PCDHA2: variants seen among roughly 807,000 people sequenced by gnomAD.
PCDHA2 encodes protocadherin alpha-2.
PCDHA2 carries 58 observed loss-of-function variants against 66.0 expected under a neutral mutation model. The observed-to-expected ratio is 0.88, with a 90% CI of 0.71 to 1.09. The LOEUF is 1.09. PCDHA2 is among the 50% of genes least tolerant of loss of function. PCDHA2 has a pLI of 0.00. For synonymous variants in PCDHA2, 634 were observed against 554.0 expected, an observed-to-expected ratio of 1.14 and a Z score of -2.03; for missense variants, 1,267 against 1,242.3, an observed-to-expected ratio of 1.02 and a Z score of -0.30.
chr5:140,917,333 G>GT (rs1401985588), intron 1 of PCDHA2, among the ~76,000 whole-genome samples: 2 of 148,632 alleles, frequency 1.3e-5, no homozygotes, highest in Admixed American at 6.7e-5. Context: ...GCGGGGGAGG[G>GT]GGGGGATGGT....
At position 140,845,518 on chromosome 5, in the gene PCDHA2, T is replaced by C. The variant is rs984046956; in HGVS notation, c.2388+48166T>C. On this transcript the variant is annotated intron_variant, in intron 1 of 3. Coordinates refer to ENST00000526136, the MANE Select transcript of PCDHA2 (RefSeq NM_018905.3). ...AAAGTCTAAACCTATTTCTTGTACATTAATACTTTTCACTATTCTAATTAT... is the reference window on the plus strand; with the variant it reads ...AAAGTCTAAACCTATTTCTTGTACACTAATACTTTTCACTATTCTAATTAT... Among the ~76,000 whole-genome samples the C allele has an allele frequency of 1.3e-5, 2 of 149,636 alleles. 1 individual carries two copies. The highest frequency in any genetic ancestry group is 3.0e-5 in the Non-Finnish European group (2 of 66,854).
intron 1 of PCDHA2, chr5:140,830,451 A>G: frequency 6.3e-7 from 1 of 1,597,306 alleles, no homozygotes; most frequent in South Asian, 1.1e-5. Context: ...GGTAAGGCGG[A>G]GAATCAGGAT....
intron 1 of PCDHA2, chr5:140,857,752 C>A: frequency 6.3e-7 from 1 of 1,597,166 alleles, no homozygotes; most frequent in Non-Finnish European, 8.6e-7. Flanking sequence ...TGGCGTCTCC[C>A]GCTGGCAGCG....
intron 1 of PCDHA2, chr5:140,841,116 TA>T: frequency 1.6e-6 from 1 of 615,476 alleles, no homozygotes; most frequent in Non-Finnish European, 2.8e-6. Flanking sequence ...GTAATTCATG[TA>T]ATCATTACCT....
intron 1 of PCDHA2, among the ~76,000 whole-genome samples, chr5:140,950,025 T>C (rs907309880): frequency 6.6e-6 from 1 of 151,922 alleles, no homozygotes; most frequent in East Asian, 1.9e-4. Context: ...TCATAAAATA[T>C]AGAAAAGTTA....
chr5:140,857,681 G>A (rs2044790199), intron 1 of PCDHA2: 5 of 1,596,954 alleles, frequency 3.1e-6, no homozygotes, highest in East Asian at 4.5e-5. Context: ...GCCGCCTCTG[G>A]GCAGCAACTT....
intron 3 of PCDHA2, among the ~76,000 whole-genome samples, chr5:141,004,523 A>G (rs934216851): frequency 3.3e-5 from 5 of 152,232 alleles, no homozygotes; most frequent in Admixed American, 2.0e-4. Flanking sequence ...CTCTGCCAAT[A>G]CACACAGCCA....
intron 1 of PCDHA2, chr5:140,834,636 T>A: frequency 1.9e-6 from 3 of 1,614,182 alleles, no homozygotes; most frequent in Non-Finnish European, 2.5e-6. Context: ...TGGCATTTTG[T>A]TTGTGAATTC....
intron 1 of PCDHA2, chr5:140,866,754 G>A (rs540571091): frequency 1.1e-4 from 17 of 152,256 alleles, no homozygotes; most frequent in Non-Finnish European, 2.2e-4. Context: ...ATGACTAACA[G>A]GACATACAGG....
chr5:140,828,941 C>T (rs2150161087), intron 1 of PCDHA2: 5 of 1,614,196 alleles, frequency 3.1e-6, no homozygotes, highest in African/African-American at 2.7e-5. Context: ...TTTTAATAGC[C>T]TTGTTGCAGC....
chr5:140,927,920 T>G (rs782193396), intron 1 of PCDHA2: 1 of 1,614,120 alleles, frequency 6.2e-7, no homozygotes, highest in Non-Finnish European at 8.5e-7. Flanking sequence ...CTGGACTTCC[T>G]GACTCTTTCG....
At position 140,797,306 on chromosome 5, in the gene PCDHA2, A is replaced by G. The variant is rs782364093; in HGVS notation, c.2342A>G (p.Asp781Gly). ...AFSPSLSQGP[D>G]SAEEKQLSES... Reference sequence around the variant, plus strand: ...AGCCCTAGCTTATCTCAAGGTCCAGACTCCGCAGAAGAGAAACAGCTCTCA... The same window carrying G: ...AGCCCTAGCTTATCTCAAGGTCCAGGCTCCGCAGAAGAGAAACAGCTCTCA... The change falls in exon 1 of 4, where the codon GAC becomes GGC. Residue 781 changes from aspartate (D) to glycine (G), a missense_variant. Asp to Gly is a moderately conservative substitution (Grantham distance 94). Transcript: ENST00000526136. The G allele has an allele frequency of 1.2e-6, 2 of 1,614,022 alleles. No individual in the cohort carries two copies. The highest frequency in any genetic ancestry group is 1.3e-5 in the African/African-American group (1 of 74,924).
chr5:140,856,987 C>G (rs144244943), intron 1 of PCDHA2: 1 of 1,595,238 alleles, frequency 6.3e-7, no homozygotes, highest in Non-Finnish European at 8.6e-7. Flanking sequence ...AGGACAGTAA[C>G]ACTTATGAAA....
At chr5:140,986,151 G>A (rs547474191) in intron 3 of PCDHA2, among the ~76,000 whole-genome samples, 1 of 152,198 alleles carries the variant, frequency 6.6e-6, no homozygotes, top group African/African-American at 2.4e-5. Flanking sequence ...GCATCACCAA[G>A]TAATGTTTTC....
chr5:140,924,907 A>AAT (rs1554202344), intron 1 of PCDHA2, among the ~76,000 whole-genome samples: 14 of 50,940 alleles, frequency 2.7e-4, no homozygotes, highest in African/African-American at 6.9e-4. Context: ...AAAAAAAAAT[A>AAT]AAATAAAATA....
intron 1 of PCDHA2, among the ~76,000 whole-genome samples, chr5:140,827,548 A>G (rs1562291088): frequency 1.3e-5 from 2 of 152,142 alleles, no homozygotes; most frequent in African/African-American, 2.4e-5. Context: ...TTTAAGTTAC[A>G]TTTTTTCCCT....
At chr5:140,838,615 T>G (rs1554137122) in intron 1 of PCDHA2, among the ~76,000 whole-genome samples, 2 of 152,036 alleles carry the variant, frequency 1.3e-5, no homozygotes, top group African/African-American at 4.8e-5. Flanking sequence ...TTTTAAAAAT[T>G]TTTTACAAAT....
chr5:140,823,814 G>T (rs2150129341), intron 1 of PCDHA2: 1 of 1,613,762 alleles, frequency 6.2e-7, no homozygotes, highest in Non-Finnish European at 8.5e-7. Context: ...GCCTCATCGC[G>T]GGCGTCGGCG....
intron 1 of PCDHA2, among the ~76,000 whole-genome samples, chr5:140,954,835 A>G (rs1256515583): frequency 1.3e-5 from 2 of 152,146 alleles, no homozygotes; most frequent in Admixed American, 6.5e-5. Flanking sequence ...TTTTGTCATG[A>G]AATCTTTGCC....
Sources: gnomAD v4.1 joint callset for allele counts (sites outside exome capture counted in the v4.1 genomes callset) on GRCh38, gnomAD v4.1.1 for gene constraint, MANE v1.5 for transcripts, NCBI Gene and HGNC (gene_info 2026-07-23, HGNC 2026-07-21) for gene names.